The following PATJ variants were observed in gnomAD, a reference collection of about 807,000 sequenced individuals.
PATJ encodes PATJ crumbs cell polarity complex component.
PATJ carries 190 observed loss-of-function variants against 224.9 expected under a neutral mutation model. That is an observed-to-expected ratio of 0.84 (90% confidence interval 0.75 to 0.95). The LOEUF is 0.95. PATJ is among the 40% of genes least tolerant of loss of function. PATJ has a pLI of 0.00. For synonymous variants in PATJ, 769 were observed against 820.3 expected (o/e 0.94, Z 1.07); for missense variants, 2,121 against 2,270.3 (o/e 0.93, Z 1.34).
intron 17 of PATJ, among the ~76,000 whole-genome samples, chr1:61,853,894 A>G (rs947643523): frequency 2.6e-5 from 4 of 152,200 alleles, no homozygotes; most frequent in African/African-American, 9.7e-5. Context: ...ATATTACATC[A>G]GAGCCTGTAA....
intron 11 of PATJ, among the ~76,000 whole-genome samples, chr1:61,800,530 G>A (rs990908833): frequency 6.6e-6 from 1 of 152,126 alleles, no homozygotes; most frequent in Non-Finnish European, 1.5e-5. Context: ...TCTGTAGGTT[G>A]TCTGTTTACT....
Position 62,132,139 on chromosome 1 carries a change from C to T in PATJ, c.5271+3194C>T, listed in dbSNP as rs115027724. Among the ~76,000 whole-genome samples, 1,203 of 152,238 alleles carry T rather than the reference C, an allele frequency of 7.9e-3. 15 individuals carry two copies. Among genetic ancestry groups the T allele is most frequent in the African/African-American group, 0.027 (1,138 of 41,536 alleles). ...CTGGGAGTACAGGCATGAGCCACCA[C>T]GCCCAGCTGAATGAATTATTAGTAG... On this transcript the variant is annotated intron_variant, in intron 41 of 43. Transcript: ENST00000642238.
intron 33 of PATJ, among the ~76,000 whole-genome samples, chr1:62,088,444 C>G (rs997167112): frequency 1.3e-5 from 2 of 152,140 alleles, no homozygotes; most frequent in Non-Finnish European, 2.9e-5. Context: ...CTAAGCCACT[C>G]TTCCCAAAGA....
chr1:61,977,301 G>A (rs1342050074), intron 27 of PATJ, among the ~76,000 whole-genome samples: 1 of 151,994 alleles, frequency 6.6e-6, no homozygotes, highest in Non-Finnish European at 1.5e-5. Flanking sequence ...TGTTGGCCAG[G>A]CTGATCTCGA....
chr1:62,159,094 C>T (rs1159977489), intron 43 of PATJ, among the ~76,000 whole-genome samples: 1 of 152,170 alleles, frequency 6.6e-6, no homozygotes, highest in African/African-American at 2.4e-5. Flanking sequence ...ATCAACTTTG[C>T]CTAGTAATTC....
chr1:62,155,446 A>G (rs1006878997), intron 43 of PATJ, among the ~76,000 whole-genome samples: 1 of 152,104 alleles, frequency 6.6e-6, no homozygotes, highest in Non-Finnish European at 1.5e-5. Flanking sequence ...GCTAAGAGTA[A>G]AATGGCTGTG....
At chr1:62,005,416 GGT>G (rs1491584220) in intron 28 of PATJ, among the ~76,000 whole-genome samples, 70 of 95,186 alleles carry the variant, frequency 7.4e-4, no homozygotes, top group South Asian at 2.8e-3. Context: ...AATATGATGT[GGT>G]TTTTTTTTTT....
At chr1:62,002,702 T>A in intron 28 of PATJ, among the ~76,000 whole-genome samples, 1 of 111,148 alleles carries the variant, frequency 9.0e-6, no homozygotes, top group Non-Finnish European at 1.7e-5. Flanking sequence ...AGAGCGAAAC[T>A]CTGTCTCAAA....
intron 30 of PATJ, chr1:62,039,115 C>T (rs1429235067): frequency 1.5e-6 from 1 of 682,122 alleles, no homozygotes; most frequent in African/African-American, 1.8e-5. Flanking sequence ...CTCTTGATGG[C>T]TCGTATCTGT....
intron 41 of PATJ, among the ~76,000 whole-genome samples, chr1:62,136,683 GTGTGTGTGTC>G (rs1558220241): frequency 6.6e-5 from 8 of 120,666 alleles, no homozygotes; most frequent in East Asian, 3.0e-4. Flanking sequence ...GTGTGTGTGT[GTGTGTGTGTC>G]TGTGTGTGTG....
intron 18 of PATJ, among the ~76,000 whole-genome samples, chr1:61,859,085 A>G (rs1664149609): frequency 6.6e-6 from 1 of 152,098 alleles, no homozygotes; most frequent in South Asian, 2.1e-4. Context: ...CCTGATGGTT[A>G]TTTGCCAGAT....
At chr1:62,054,228 T>G (rs1570354925) in intron 31 of PATJ, 2 of 205,112 alleles carry the variant, frequency 9.8e-6, no homozygotes, top group East Asian at 1.4e-4. Context: ...CTGAGTGTGG[T>G]GACAAGCACC....
intron 33 of PATJ, among the ~76,000 whole-genome samples, chr1:62,095,609 C>T (rs993575736): frequency 6.6e-6 from 1 of 152,274 alleles, no homozygotes; most frequent in Non-Finnish European, 1.5e-5. Context: ...CCTTTGTCAA[C>T]ATGAGTCCTG....
At chr1:62,094,619 G>A (rs1661181412) in intron 33 of PATJ, among the ~76,000 whole-genome samples, 1 of 149,968 alleles carries the variant, frequency 6.7e-6, no homozygotes. Flanking sequence ...AGAGATGTTA[G>A]TGTTATTTCT....
At chr1:61,744,799 C>G (rs894650296) in intron 1 of PATJ, among the ~76,000 whole-genome samples, 2 of 152,140 alleles carry the variant, frequency 1.3e-5, no homozygotes, top group Non-Finnish European at 2.9e-5. Flanking sequence ...ACTTCTGATG[C>G]CAATCACAAG....
chr1:62,128,011 A>G lies in PATJ; in HGVS notation c.5083A>G (p.Arg1695Gly). ...DALGISIAGG[R>G]GSPLGDIPVF... ...CCTTGGAATCAGTATTGCTGGAGGAAGAGGAAGTCCCTTAGGAGATATCCC... is the reference window on the plus strand; with the variant it reads ...CCTTGGAATCAGTATTGCTGGAGGAGGAGGAAGTCCCTTAGGAGATATCCC... The change falls in exon 40 of 44, where the codon AGA becomes GGA. Residue 1695 changes from arginine to glycine, a missense_variant. Coordinates refer to ENST00000642238, the MANE Select transcript of PATJ (RefSeq NM_001350145.3). 1 of 1,614,068 alleles carries G rather than the reference A, an allele frequency of 6.2e-7. No individual in the cohort carries two copies. The highest frequency in any genetic ancestry group is 1.7e-5 in the Admixed American group (1 of 60,014).
At chr1:61,805,420 G>T (rs561562312) in intron 12 of PATJ, 28 bp from the exon 13 acceptor site, 14 of 1,426,838 alleles carry the variant, frequency 9.8e-6, no homozygotes, top group Admixed American at 8.6e-5. Flanking sequence ...ACATTCTCTC[G>T]CTCTCTCTCT....
chr1:62,024,429 A>G (rs1647374051), intron 29 of PATJ, among the ~76,000 whole-genome samples: 1 of 152,034 alleles, frequency 6.6e-6, no homozygotes. Context: ...CAGAATTGGT[A>G]ATTTTTTCTT....
chr1:61,789,320 A>G (rs1016776798), intron 8 of PATJ, among the ~76,000 whole-genome samples: 2 of 151,732 alleles, frequency 1.3e-5, no homozygotes, highest in Non-Finnish European at 2.9e-5. Context: ...ATAAATAAAT[A>G]AATAAAATAA....
Sources: allele counts gnomAD v4.1 joint callset (sites outside exome capture counted in the v4.1 genomes callset), GRCh38; gene constraint gnomAD v4.1.1; transcripts MANE v1.5; gene names NCBI Gene and HGNC (gene_info 2026-07-23, HGNC 2026-07-21).